DCDC1: variants seen among roughly 807,000 people sequenced by gnomAD.
DCDC1 encodes the protein doublecortin domain-containing protein 1.
DCDC1 carries 200 observed loss-of-function variants against 178.3 expected under a neutral mutation model. That is an observed-to-expected ratio of 1.12 (90% CI 1.00 to 1.26). The LOEUF is 1.26. DCDC1 is among the 50% of genes most tolerant of loss of function. The pLI, the probability that DCDC1 is intolerant of heterozygous loss-of-function variation, is 0.00. For synonymous variants in DCDC1, 690 were observed against 604.8 expected, an observed-to-expected ratio of 1.14 and a Z score of -2.07; for missense variants, 1,983 against 1,749.2, an observed-to-expected ratio of 1.13 and a Z score of -2.38.
chr11:31,128,489 G>C (rs1335543945), intron 10 of DCDC1, among the ~76,000 whole-genome samples: 1 of 151,998 alleles, frequency 6.6e-6, no homozygotes, highest in Non-Finnish European at 1.5e-5. Flanking sequence ...CTCTCTAGTA[G>C]GCTGGATTCT....
chr11:30,886,252 TG>T (rs1943157054), intron 36 of DCDC1, among the ~76,000 whole-genome samples: 1 of 152,198 alleles, frequency 6.6e-6, no homozygotes, highest in Non-Finnish European at 1.5e-5. Context: ...GACTACATGC[TG>T]TTTCCTAAAT....
rs181275741 is a variant in DCDC1 at position 31,329,835 on chromosome 11, T to C, written c.-6-1549A>G. On this transcript the variant is annotated intron_variant, in intron 2 of 38. Transcript: ENST00000684477. ...TTGGGTTGGTCCCAAGTCTTTGCTA[T>C]TGTGAATAGTGCCACAATAAACATA... Among the ~76,000 whole-genome samples, 728 of 152,346 alleles carry C rather than the reference T, an allele frequency of 4.8e-3. 9 individuals carry two copies. Among genetic ancestry groups the C allele is most frequent in the African/African-American group, 0.017 (701 of 41,578 alleles).
chr11:30,962,759 T>C (rs1949182133), intron 20 of DCDC1, among the ~76,000 whole-genome samples: 1 of 152,102 alleles, frequency 6.6e-6, no homozygotes, highest in Non-Finnish European at 1.5e-5. Flanking sequence ...CTATTTTGTT[T>C]TGTTTTTCTA....
intron 27 of DCDC1, among the ~76,000 whole-genome samples, chr11:30,914,737 T>C (rs1945710428): frequency 6.6e-6 from 1 of 151,038 alleles, no homozygotes; most frequent in Non-Finnish European, 1.5e-5. Context: ...TCCATTCCCC[T>C]CAACTTTTAA....
At position 30,864,020 on chromosome 11, in the gene DCDC1, A is replaced by T. The variant is rs1940810591; in HGVS notation, c.*1353T>A. 1 of 152,216 alleles carries T rather than the reference A, an allele frequency of 6.6e-6. No homozygotes were observed. The highest frequency in any genetic ancestry group is 1.5e-5 in the Non-Finnish European group (1 of 68,088). The allele number at this position is 152,216 out of a possible 1,614,324, so 9.4% of individuals were successfully genotyped here. On this transcript the variant is annotated 3_prime_UTR_variant, in exon 39 of 39. Transcript: ENST00000684477. ...CAGGCGCCTGTAGTCCCAGCTACTC[A>T]GGAGGCTGAGACAGGAGAATTGCTT...
chr11:30,878,597 T>C lies in DCDC1; in HGVS notation c.5348A>G (p.His1783Arg), dbSNP rs1942356556. 6.2e-7 allele frequency: 1 copy of C among 1,601,758 alleles called. No homozygotes were observed. The highest frequency in any genetic ancestry group is 2.2e-5 in the East Asian group (1 of 44,486). Residue 1783 changes from histidine to arginine, a missense_variant, in exon 38 of 39, where the codon CAT becomes CGT. Physicochemically the swap from His to Arg is conservative, Grantham distance 29 (BLOSUM62 0). Transcript: ENST00000684477. ...SPSTKLLSLAHLHN is the reference protein window; with the variant it reads ...SPSTKLLSLARLHN ...TTCTGATAGGAGTTAATTGTGGAGA[T>C]GTGCCAGAGACAGCAGCTTCGTGGA... is the stretch of plus-strand genomic sequence containing the variant.
chr11:30,899,801 G>A (rs1944526725), intron 33 of DCDC1, among the ~76,000 whole-genome samples, 159 bp from the exon 34 acceptor site: 1 of 152,056 alleles, frequency 6.6e-6, no homozygotes, highest in African/African-American at 2.4e-5. Flanking sequence ...AGATGACAGG[G>A]CTTAAGGCAT....
At chr11:31,063,818 AC>A (rs1308292554) in intron 20 of DCDC1, among the ~76,000 whole-genome samples, 1 of 152,204 alleles carries the variant, frequency 6.6e-6, no homozygotes, top group Non-Finnish European at 1.5e-5. Flanking sequence ...ATTTCAGTCA[AC>A]AGTAATTTCA....
At chr11:30,895,386 G>C (rs1343161990) in intron 34 of DCDC1, among the ~76,000 whole-genome samples, 2 of 152,154 alleles carry the variant, frequency 1.3e-5, no homozygotes, top group African/African-American at 4.8e-5. Context: ...AACCTAGTCT[G>C]AGGCACAACA....
intron 20 of DCDC1, among the ~76,000 whole-genome samples, chr11:31,052,256 A>G (rs12269791): frequency 6.0e-4 from 92 of 152,336 alleles, no homozygotes; most frequent in African/African-American, 2.2e-3. Flanking sequence ...AGAGACAAAG[A>G]GAGACATTAT....
intron 9 of DCDC1, among the ~76,000 whole-genome samples, chr11:31,157,915 G>A (rs919234191): frequency 6.6e-6 from 1 of 151,920 alleles, no homozygotes; most frequent in Admixed American, 6.6e-5. Flanking sequence ...TTATTTAATC[G>A]ACAAATAAAA....
At chr11:31,288,888 G>T (rs1947024981) in intron 7 of DCDC1, among the ~76,000 whole-genome samples, 1 of 151,458 alleles carries the variant, frequency 6.6e-6, no homozygotes, top group African/African-American at 2.4e-5. Context: ...AGTTCTTATT[G>T]ACACCCAAGA....
At chr11:31,031,857 T>C (rs1213146569) in intron 20 of DCDC1, among the ~76,000 whole-genome samples, 1 of 152,042 alleles carries the variant, frequency 6.6e-6, no homozygotes, top group Non-Finnish European at 1.5e-5. Flanking sequence ...AAAACAGCCA[T>C]TATATTTTTC....
intron 21 of DCDC1, among the ~76,000 whole-genome samples, chr11:30,946,553 A>G (rs1020660881): frequency 6.6e-5 from 10 of 152,186 alleles, no homozygotes; most frequent in African/African-American, 2.4e-4. Context: ...TTTAGGGGCC[A>G]AAACAATGAC....
At chr11:31,292,527 T>C (rs916355570) in intron 6 of DCDC1, among the ~76,000 whole-genome samples, 1 of 152,142 alleles carries the variant, frequency 6.6e-6, no homozygotes, top group African/African-American at 2.4e-5. Context: ...AGGTGACATA[T>C]TGTATGATTC....
intron 21 of DCDC1, among the ~76,000 whole-genome samples, chr11:30,942,172 G>A (rs566441956): frequency 4.6e-4 from 70 of 152,172 alleles, no homozygotes; most frequent in African/African-American, 1.5e-3. Flanking sequence ...TTCTTATTAT[G>A]GTTACTGAGA....
rs140103020 is a variant in DCDC1 at position 31,213,337 on chromosome 11, C to G, written c.1221+28113G>C. Among the ~76,000 whole-genome samples, 41 of 151,838 alleles carry G rather than the reference C, an allele frequency of 2.7e-4. No individual in the cohort carries two copies. The East Asian group carries it at 7.5e-3, about 28-fold the overall frequency. The stretch of plus-strand genomic sequence containing the variant: ...GGTAAGTAGAGACTGGATTTTAATT[C>G]CTGCCTGGCTCCTGAGTCTATTTAT... On this transcript the variant is annotated intron_variant, in intron 9 of 38. Coordinates refer to ENST00000684477, the MANE Select transcript of DCDC1 (RefSeq NM_001387274.1).
chr11:31,186,450 A>G (rs1249309926), intron 9 of DCDC1, among the ~76,000 whole-genome samples: 7 of 152,188 alleles, frequency 4.6e-5, no homozygotes, highest in African/African-American at 1.7e-4. Context: ...GTGTCCCACC[A>G]CAGACCCATG....
intron 38 of DCDC1, among the ~76,000 whole-genome samples, chr11:30,867,092 C>T (rs1480194531): frequency 6.6e-6 from 1 of 152,134 alleles, no homozygotes; most frequent in African/African-American, 2.4e-5. Flanking sequence ...GCTTACCTTG[C>T]CTAACTCAGT....
Sources: gnomAD v4.1 joint callset for allele counts (sites outside exome capture counted in the v4.1 genomes callset) on GRCh38, gnomAD v4.1.1 for gene constraint, MANE v1.5 for transcripts, NCBI Gene and HGNC (gene_info 2026-07-23, HGNC 2026-07-21) for gene names.